Variants in COL4A6 observed in about 807,000 individuals in gnomAD.
The protein encoded by COL4A6 is collagen alpha-6(IV) chain.
COL4A6 carries 59 observed loss-of-function variants against 126.7 expected under a neutral mutation model. That is an observed-to-expected ratio of 0.47 (90% CI 0.38 to 0.58). COL4A6 has a LOEUF of 0.58. Ranked by LOEUF, COL4A6 falls within the 20% of genes least tolerant of loss-of-function variation. The pLI is 0.00. For missense variants in COL4A6, 1,285 were observed against 1,337.3 expected, an observed-to-expected ratio of 0.96 and a Z score of 0.61; for synonymous variants, 547 against 496.6, an observed-to-expected ratio of 1.10 and a Z score of -1.35.
At chrX:108,177,837 G>C (rs1275278369) in intron 27 of COL4A6, among the ~76,000 whole-genome samples, 1 of 111,816 alleles carries the variant, frequency 8.9e-6, no homozygotes, top group Admixed American at 9.5e-5. Flanking sequence ...GCTGTGAAGG[G>C]AACTCCACAA....
intron 3 of COL4A6, among the ~76,000 whole-genome samples, chrX:108,232,615 C>A (rs2036337957): frequency 8.9e-6 from 1 of 111,837 alleles, no homozygotes; most frequent in South Asian, 3.7e-4. Context: ...TTGATGTCAC[C>A]TTTGCCTCTT....
At chrX:108,362,122 A>T (rs2040100180) in intron 2 of COL4A6, among the ~76,000 whole-genome samples, 1 of 110,857 alleles carries the variant, frequency 9.0e-6, no homozygotes. Flanking sequence ...ACAGAGACAG[A>T]GACAGAGAGA....
At chrX:108,193,607 C>G (rs1227589081) in intron 17 of COL4A6, 21 bp downstream of exon 17, 4 of 1,165,596 alleles carry the variant, frequency 3.4e-6, no homozygotes, top group Non-Finnish European at 4.7e-6. Context: ...ATTTTCCACT[C>G]AAATTAATGA....
chrX:108,232,288 T>C (rs182321942), intron 3 of COL4A6, among the ~76,000 whole-genome samples: 1 of 112,044 alleles, frequency 8.9e-6, no homozygotes, highest in East Asian at 2.8e-4. Flanking sequence ...TTTTGTGATA[T>C]TTAATGGGAA....
At chrX:108,361,435 T>C (rs2207982) in intron 2 of COL4A6, among the ~76,000 whole-genome samples, 8,059 of 111,262 alleles carry the variant, frequency 0.072, 642 homozygotes, top group African/African-American at 0.23. Context: ...ATAACAAATA[T>C]TTATAGAGGG....
chrX:108,290,741 T>C (rs2038139021), intron 3 of COL4A6, among the ~76,000 whole-genome samples: 1 of 112,216 alleles, frequency 8.9e-6, no homozygotes, highest in African/African-American at 3.2e-5. Flanking sequence ...CGCAAGGTGT[T>C]ATGTCCTTAA....
chrX:108,227,090 A>C (rs2036188035), intron 3 of COL4A6, among the ~76,000 whole-genome samples: 1 of 110,912 alleles, frequency 9.0e-6, no homozygotes, highest in Admixed American at 9.6e-5. Flanking sequence ...GATTACCCCC[A>C]CCCAATGTGT....
At chrX:108,342,548 C>A (rs908741549) in intron 2 of COL4A6, among the ~76,000 whole-genome samples, 1 of 111,663 alleles carries the variant, frequency 9.0e-6, no homozygotes, top group African/African-American at 3.3e-5. Context: ...TAAGCTAACA[C>A]CCCTTTTGAA....
chrX:108,351,436 CTCTCTCTGTGTG>C (rs1327504434), intron 2 of COL4A6, among the ~76,000 whole-genome samples: 3 of 82,266 alleles, frequency 3.6e-5, no homozygotes, highest in Admixed American at 1.7e-4. Context: ...AGGTAACTCT[CTCTCTCTGTGTG>C]TGTGTGTGTG....
At chrX:108,409,986 A>G (rs754269166) in intron 2 of COL4A6, among the ~76,000 whole-genome samples, 3 of 111,866 alleles carry the variant, frequency 2.7e-5, no homozygotes, top group African/African-American at 9.7e-5. Context: ...TCATCCAGGA[A>G]AGAGATCCCC....
intron 3 of COL4A6, among the ~76,000 whole-genome samples, chrX:108,227,340 C>T (rs189764704): frequency 0.013 from 1,458 of 111,921 alleles, 6 homozygotes; most frequent in Non-Finnish European, 0.024. Flanking sequence ...AAGTCAAACT[C>T]TGTAAAATAT....
rs375553535 is a variant in COL4A6 at position 108,203,033 on chromosome X, C to T, written c.781-52G>A. ...GTAGCATCAGGAAGCAGTGAACGCA[C>T]AGTAGGATGGCTCTCCACATGTACT... On this transcript the variant is annotated intron_variant, in intron 12 of 44. Coordinates refer to ENST00000334504, the MANE Select transcript of COL4A6 (RefSeq NM_033641.4). 3,176 of 1,023,466 alleles carry T rather than the reference C, an allele frequency of 3.1e-3. 2 individuals carry two copies. The highest frequency in any genetic ancestry group is 3.8e-3 in the Non-Finnish European group (2,759 of 726,420). 84.3% of individuals were successfully genotyped at this position (1,023,466 alleles called of 1,213,427 possible). A position where few individuals can be genotyped will look rare whatever the true frequency, so the allele number is the denominator to read the frequency against.
chrX:108,262,046 T>C (rs1161918902), intron 3 of COL4A6, among the ~76,000 whole-genome samples: 4 of 111,832 alleles, frequency 3.6e-5, no homozygotes, highest in Non-Finnish European at 7.5e-5. Context: ...AAGGGATTTG[T>C]TGGGTCCTGT....
At chrX:108,428,668 G>A (rs749716712) in intron 2 of COL4A6, among the ~76,000 whole-genome samples, 1 of 110,380 alleles carries the variant, frequency 9.1e-6, no homozygotes, top group Non-Finnish European at 1.9e-5. Flanking sequence ...TATGACCCCC[G>A]AACCTAAAAT....
intron 2 of COL4A6, among the ~76,000 whole-genome samples, chrX:108,330,544 C>T (rs1463574940): frequency 2.7e-5 from 3 of 111,182 alleles, no homozygotes; most frequent in African/African-American, 9.8e-5. Flanking sequence ...TTGATGAATG[C>T]AAACTAAGTA....
intron 2 of COL4A6, among the ~76,000 whole-genome samples, chrX:108,381,168 A>T (rs1037689274): frequency 7.2e-5 from 8 of 111,705 alleles, no homozygotes; most frequent in African/African-American, 1.3e-4. Flanking sequence ...TTAGCCCCCA[A>T]TTCCTGAGAA....
intron 2 of COL4A6, among the ~76,000 whole-genome samples, chrX:108,358,027 G>A (rs1339594548): frequency 9.0e-6 from 1 of 111,595 alleles, no homozygotes; most frequent in East Asian, 2.8e-4. Flanking sequence ...GGTTATTCTT[G>A]TATAATATCA....
At chrX:108,287,080 T>TA (rs1189204561) in intron 3 of COL4A6, among the ~76,000 whole-genome samples, 1 of 111,965 alleles carries the variant, frequency 8.9e-6, no homozygotes, top group Non-Finnish European at 1.9e-5. Flanking sequence ...CACAACTACC[T>TA]ACATGGACTC....
At chrX:108,409,212 G>C (rs1303205433) in intron 2 of COL4A6, among the ~76,000 whole-genome samples, 1 of 111,718 alleles carries the variant, frequency 9.0e-6, no homozygotes, top group Admixed American at 9.5e-5. Flanking sequence ...TGTATTTGTA[G>C]AAGACAATTA....
Sources: allele counts gnomAD v4.1 joint callset (sites outside exome capture counted in the v4.1 genomes callset), GRCh38; gene constraint gnomAD v4.1.1; transcripts MANE v1.5; gene names NCBI Gene and HGNC (gene_info 2026-07-23, HGNC 2026-07-21).